Variants in BIRC6 observed in about 807,000 individuals in gnomAD.
BIRC6 encodes dual E2 ubiquitin-conjugating enzyme/E3 ubiquitin-protein ligase BIRC6.
BIRC6 carries 98 observed loss-of-function variants against 503.3 expected under a neutral mutation model. The ratio of observed to expected loss-of-function variants is 0.19; its 90% CI spans 0.17 to 0.23. The LOEUF (loss-of-function observed/expected upper bound fraction) is 0.23, where lower values mean the gene tolerates loss of function less well. BIRC6 is among the 10% of genes least tolerant of loss of function. The pLI, the probability that BIRC6 is intolerant of heterozygous loss-of-function variation, is 1.00. For missense variants in BIRC6, 5,360 were observed against 5,806.0 expected, an observed-to-expected ratio of 0.92 and a Z score of 2.50; for synonymous variants, 2,240 against 2,078.7, an observed-to-expected ratio of 1.08 and a Z score of -2.11.
intron 29 of BIRC6, 146 bp from the exon 30 acceptor site, chr2:32,469,249 T>A: frequency 1.5e-6 from 1 of 654,894 alleles, no homozygotes; most frequent in Non-Finnish European, 2.5e-6. Flanking sequence ...GATTTCTACA[T>A]ACAAGGAGTA....
chr2:32,592,158 T>C (rs2061422327), intron 66 of BIRC6, among the ~76,000 whole-genome samples: 1 of 152,192 alleles, frequency 6.6e-6, no homozygotes, highest in Non-Finnish European at 1.5e-5. Context: ...CAGATACATG[T>C]ACATAGACGA....
intron 57 of BIRC6, among the ~76,000 whole-genome samples, chr2:32,520,009 A>G (rs36060675): frequency 0.061 from 9,259 of 152,330 alleles, 448 homozygotes; most frequent in Admixed American, 0.15. Flanking sequence ...AAAATAAACT[A>G]GAAATGTCTG....
chr2:32,469,065 CTT>C (rs1256291379), intron 29 of BIRC6, among the ~76,000 whole-genome samples: 1 of 152,106 alleles, frequency 6.6e-6, no homozygotes, highest in African/African-American at 2.4e-5. Context: ...AACAGTGAAA[CTT>C]TTCATAAATT....
intron 23 of BIRC6, among the ~76,000 whole-genome samples, chr2:32,458,952 A>G (rs908922009): frequency 2.6e-5 from 4 of 151,796 alleles, no homozygotes; most frequent in Admixed American, 6.6e-5. Context: ...GGCCTCCCAA[A>G]GTGCTGGGAT....
rs1387332087 is a variant in BIRC6 at position 32,618,239 on chromosome 2, A to G, written c.*335A>G. ...GTTTATTTTATTTTATTTTTTTTTT[A>G]CTATAGAGTGAGGGGTTGTTAACAA... On this transcript the variant is annotated 3_prime_UTR_variant, in exon 74 of 74. Coordinates refer to ENST00000421745, the MANE Select transcript of BIRC6 (RefSeq NM_016252.4). 1 of 160,088 alleles carries G rather than the reference A, an allele frequency of 6.2e-6. No individual in the cohort carries two copies. The highest frequency in any genetic ancestry group is 2.4e-5 in the African/African-American group (1 of 41,036). The allele number at this position is 160,088 out of a possible 1,614,324, so 9.9% of individuals were successfully genotyped here.
intron 5 of BIRC6, among the ~76,000 whole-genome samples, chr2:32,392,687 A>G (rs572633674): frequency 6.6e-6 from 1 of 152,246 alleles, no homozygotes; most frequent in African/African-American, 2.4e-5. Context: ...CAGTGGCCCT[A>G]TCACCACTCA....
At chr2:32,379,822 G>GT (rs1378559958) in intron 2 of BIRC6, among the ~76,000 whole-genome samples, 1 of 152,136 alleles carries the variant, frequency 6.6e-6, no homozygotes, top group Non-Finnish European at 1.5e-5. Context: ...AGGACTTTAA[G>GT]TTTGTCTCTT....
rs1438926781 is a variant in BIRC6, at chr2:32,515,219, C to G, written c.10798C>G (p.Gln3600Glu). Residue 3600 changes from glutamine to glutamate, a missense_variant, in exon 55 of 74, where the codon CAA (glutamine) becomes GAA (glutamate). Coordinates refer to ENST00000421745, the MANE Select transcript of BIRC6 (RefSeq NM_016252.4). ...SSLTDDSKNAQAPLALTESHL... is the reference protein window; with the variant it reads ...SSLTDDSKNAEAPLALTESHL... ...TTTAACAGATGACTCTAAAAATGCA[C>G]AAGCACCTCTCGCATTAACTGAATC... 1.9e-6 allele frequency: 3 copies of G among 1,613,856 alleles called. No homozygotes were observed. In the Admixed American group the frequency reaches 5.0e-5, roughly 27 times the overall value.
intron 45 of BIRC6, among the ~76,000 whole-genome samples, chr2:32,496,128 G>A (rs1343281330): frequency 2.6e-5 from 4 of 152,024 alleles, no homozygotes; most frequent in Admixed American, 1.3e-4. Flanking sequence ...ACCGCACCCC[G>A]CCTTCGTAGA....
intron 66 of BIRC6, among the ~76,000 whole-genome samples, chr2:32,593,161 G>T (rs1246949614): frequency 6.6e-6 from 1 of 152,186 alleles, no homozygotes; most frequent in African/African-American, 2.4e-5. Context: ...AAGCAGTAGT[G>T]TAAAGATGTT....
At chr2:32,393,946 CTATA>C (rs10580859) in intron 5 of BIRC6, among the ~76,000 whole-genome samples, 60,694 of 145,482 alleles carry the variant, frequency 0.42, 12,742 homozygotes, top group East Asian at 0.64. Context: ...AACCAGAAAA[CTATA>C]TATATATATA....
Position 32,377,624 on chromosome 2 carries a change from C to G in BIRC6, c.362C>G (p.Ser121Cys). ...GGACAGGTGAAATGTCAGTATATCT[C>G]TGCTGTGGATAAAGTTATATTTGTG... ...PGGQVKCQYI[S>C]AVDKVIFVDD... The change falls in exon 2 of 74, where the codon TCT becomes TGT. Residue 121 changes from serine (S) to cysteine (C), a missense_variant. Physicochemically the swap from Ser to Cys is moderately radical, Grantham distance 112. Coordinates refer to ENST00000421745, the MANE Select transcript of BIRC6 (RefSeq NM_016252.4). The G allele has an allele frequency of 6.2e-7, 1 of 1,612,634 alleles. No homozygotes were observed. Among genetic ancestry groups the G allele is most frequent in the Non-Finnish European group, 8.5e-7 (1 of 1,179,408 alleles).
intron 35 of BIRC6, among the ~76,000 whole-genome samples, chr2:32,478,294 C>T (rs998576634): frequency 2.6e-5 from 4 of 151,738 alleles, no homozygotes; most frequent in East Asian, 1.9e-4. Flanking sequence ...GCTGAAATCG[C>T]GCCACTTCAC....
intron 66 of BIRC6, among the ~76,000 whole-genome samples, chr2:32,579,475 G>T (rs991657557): frequency 6.6e-6 from 1 of 152,126 alleles, no homozygotes; most frequent in Non-Finnish European, 1.5e-5. Flanking sequence ...ATCACTTGAA[G>T]CCGGGAGTTC....
chr2:32,381,308 C>T (rs1398297163), intron 3 of BIRC6, among the ~76,000 whole-genome samples: 3 of 152,164 alleles, frequency 2.0e-5, no homozygotes, highest in Admixed American at 6.5e-5. Flanking sequence ...GGCACAATCT[C>T]GGCTCACTGC....
At chr2:32,544,281 G>T (rs1431599685) in intron 62 of BIRC6, among the ~76,000 whole-genome samples, 1 of 152,000 alleles carries the variant, frequency 6.6e-6, no homozygotes, top group African/African-American at 2.4e-5. Context: ...AATGAATCTG[G>T]TAGCAATACT....
At chr2:32,408,346 G>C (rs893700991) in intron 9 of BIRC6, among the ~76,000 whole-genome samples, 2 of 152,116 alleles carry the variant, frequency 1.3e-5, no homozygotes, top group African/African-American at 4.8e-5. Context: ...CTGACCTCAG[G>C]TGATCCACTT....
At chr2:32,466,262 G>T (rs2048529044) in intron 26 of BIRC6, among the ~76,000 whole-genome samples, 1 of 152,186 alleles carries the variant, frequency 6.6e-6, no homozygotes, top group Non-Finnish European at 1.5e-5. Context: ...CAATAAGGAA[G>T]AAAAAGAATT....
rs555422576 is a variant in BIRC6 at position 32,441,099 on chromosome 2, T to C, written c.3811-230T>C. On this transcript the variant is annotated intron_variant, in intron 16 of 73. Coordinates refer to ENST00000421745, the MANE Select transcript of BIRC6 (RefSeq NM_016252.4). Reference sequence around the variant, plus strand: ...ACTTTGGTTTTATCATCTGTAATCATTGGGTTATTGCCTTTAAAATAGTGG... The same window carrying C: ...ACTTTGGTTTTATCATCTGTAATCACTGGGTTATTGCCTTTAAAATAGTGG... Among the ~76,000 whole-genome samples, 7 of 152,248 alleles carry C rather than the reference T, an allele frequency of 4.6e-5. No homozygotes were observed. In the East Asian group the frequency reaches 1.4e-3, roughly 29 times the overall value.
Sources: gnomAD v4.1 joint callset for allele counts (sites outside exome capture counted in the v4.1 genomes callset) on GRCh38, gnomAD v4.1.1 for gene constraint, MANE v1.5 for transcripts, NCBI Gene and HGNC (gene_info 2026-07-23, HGNC 2026-07-21) for gene names.